MGAT5: variants seen among roughly 807,000 people sequenced by gnomAD.
The protein encoded by MGAT5 is alpha-1,6-mannosylglycoprotein 6-beta-N-acetylglucosaminyltransferase, also known as alpha-1,6-mannosylglycoprotein 6-beta-N-acetylglucosaminyltransferase A.
A neutral mutation model predicts 94.3 loss-of-function variants in MGAT5; 30 were observed. The ratio of observed to expected loss-of-function variants is 0.32; its 90% CI spans 0.24 to 0.43. MGAT5 has a LOEUF of 0.43. MGAT5 is among the 20% of genes least tolerant of loss of function. MGAT5 has a pLI of 1.00. For missense variants in MGAT5, 691 were observed against 905.5 expected, an observed-to-expected ratio of 0.76 and a Z score of 3.04; for synonymous variants, 310 against 322.9, an observed-to-expected ratio of 0.96 and a Z score of 0.43.
At chr2:134,406,248 G>T (rs16830562) in intron 11 of MGAT5, among the ~76,000 whole-genome samples, 1,741 of 152,274 alleles carry the variant, frequency 0.011, 37 homozygotes, top group African/African-American at 0.039. Context: ...TGAGTGCTTT[G>T]TGAGCTGGAC....
intron 1 of MGAT5, among the ~76,000 whole-genome samples, chr2:134,164,772 G>C (rs1294500470): frequency 2.6e-5 from 4 of 151,638 alleles, no homozygotes; most frequent in African/African-American, 9.7e-5. Context: ...TGAGGCTGTT[G>C]TGTGCTATAA....
intron 1 of MGAT5, among the ~76,000 whole-genome samples, chr2:134,208,608 T>G (rs1227502563): frequency 1.3e-5 from 2 of 152,238 alleles, no homozygotes; most frequent in East Asian, 3.8e-4. Context: ...ATAGTTGTTA[T>G]AATATAAATA....
chr2:134,201,637 C>T (rs1157284327), intron 1 of MGAT5, among the ~76,000 whole-genome samples: 2 of 151,986 alleles, frequency 1.3e-5, no homozygotes, highest in African/African-American at 2.4e-5. Flanking sequence ...ACCTTCGGGG[C>T]GACCTGTGCT....
chr2:134,156,092 C>T (rs757195726), intron 1 of MGAT5, among the ~76,000 whole-genome samples: 3 of 152,194 alleles, frequency 2.0e-5, no homozygotes, highest in Admixed American at 6.5e-5. Flanking sequence ...CAGCACACAA[C>T]GCAGGCCTGG....
intron 1 of MGAT5, among the ~76,000 whole-genome samples, chr2:134,223,948 T>C (rs905115909): frequency 6.6e-6 from 1 of 152,202 alleles, no homozygotes; most frequent in Non-Finnish European, 1.5e-5. Flanking sequence ...AAAATTACAA[T>C]CTGAATTTTG....
intron 1 of MGAT5, among the ~76,000 whole-genome samples, chr2:134,189,591 A>ATTTTTTTTTTTTTTTTTTT (rs1689215447): frequency 7.5e-5 from 2 of 26,578 alleles, no homozygotes; most frequent in African/African-American, 2.4e-4. Context: ...TCATGGCTCT[A>ATTTTTTTTTTTTTTTTTTT]GTTTTTTTTT....
chr2:134,436,983 C>T (rs572166237), intron 14 of MGAT5, among the ~76,000 whole-genome samples: 1 of 152,262 alleles, frequency 6.6e-6, no homozygotes, highest in African/African-American at 2.4e-5. Context: ...TCTGCACTAG[C>T]TTCAGGCTTT....
intron 7 of MGAT5, among the ~76,000 whole-genome samples, chr2:134,342,149 C>T (rs1458866218): frequency 2.0e-5 from 3 of 152,166 alleles, no homozygotes; most frequent in African/African-American, 7.2e-5. Context: ...GGGCAGGTTC[C>T]TGTTTGTAAT....
At chr2:134,353,469 A>G (rs1361240923) in intron 9 of MGAT5, among the ~76,000 whole-genome samples, 1 of 152,226 alleles carries the variant, frequency 6.6e-6, no homozygotes, top group Non-Finnish European at 1.5e-5. Flanking sequence ...CCGGAATGAT[A>G]CACCAACCAA....
chr2:134,428,152 G>A (rs1442789584), intron 13 of MGAT5, among the ~76,000 whole-genome samples: 1 of 152,216 alleles, frequency 6.6e-6, no homozygotes, highest in Non-Finnish European at 1.5e-5. Flanking sequence ...TTTTACATAT[G>A]AGGAACCTGA....
At chr2:134,250,589 G>T (rs1209232890), upstream of MGAT5, among the ~76,000 whole-genome samples, 1 of 152,146 alleles carries the variant, frequency 6.6e-6, no homozygotes, top group Non-Finnish European at 1.5e-5. Context: ...CTTAAGTTCT[G>T]TCATCTTAAT....
At chr2:134,162,399 G>T (rs1012789282) in intron 1 of MGAT5, among the ~76,000 whole-genome samples, 3 of 152,138 alleles carry the variant, frequency 2.0e-5, no homozygotes, top group African/African-American at 7.2e-5. Flanking sequence ...GAGTCCAAAG[G>T]TGTGTCTTTC....
At position 134,189,602 on chromosome 2, in the gene MGAT5, G is replaced by GTTTTTTTTTTTTTGTTT. The variant is rs1553490382; in HGVS notation, c.-142-64647_-142-64646insGTTTTTTTTTTTTTTTT. Among the ~76,000 whole-genome samples, 7 of 84,672 alleles carry GTTTTTTTTTTTTTGTTT rather than the reference G, an allele frequency of 8.3e-5. 1 individual carries two copies. Among genetic ancestry groups the GTTTTTTTTTTTTTGTTT allele is most frequent in the Middle Eastern group, 7.7e-3 (1 of 130 alleles). 55.5% of individuals were successfully genotyped at this position (84,672 alleles called of 152,430 possible). ...AACCTCATGGCTCTAGTTTTTTTTT[G>GTTTTTTTTTTTTTGTTT]TTTTTTTTTTTTTTTTTTAAGACAG... On this transcript the variant is annotated intron_variant, in intron 1 of 16. Coordinates refer to the MGAT5 transcript ENST00000409645.
chr2:134,400,929 A>G (rs1487872753), intron 10 of MGAT5, among the ~76,000 whole-genome samples: 1 of 152,172 alleles, frequency 6.6e-6, no homozygotes, highest in South Asian at 2.1e-4. Context: ...TGTGTTTATT[A>G]TAAGGATCCA....
In MGAT5 at chr2:134,437,946, G is replaced by T. The variant is rs1459061694; in HGVS notation, c.1870-3812G>T. 4.6e-5 allele frequency among the ~76,000 whole-genome samples: 7 copies of T among 151,430 alleles called. No homozygotes were observed. The East Asian group carries it at 1.4e-3, about 30-fold the overall frequency. ...AGGAGAATCACATGAACCTGGCAGA[G>T]GGAGGTTGCAGTGAACCAAGATCAT... On this transcript the variant is annotated intron_variant, in intron 14 of 15. Transcript: ENST00000281923.
rs375349164 is a variant in MGAT5 at position 134,337,453 on chromosome 2, G to A, written c.646-806G>A. 1.8e-4 allele frequency among the ~76,000 whole-genome samples: 28 copies of A among 152,330 alleles called. No homozygotes were observed. In the East Asian group the frequency reaches 5.2e-3, roughly 28 times the overall value. On this transcript the variant is annotated intron_variant, in intron 5 of 15. Transcript: ENST00000281923. ...ATTATGCCACTGCATTCCAGTCTGG[G>A]TGGGAGTGTGAGACCCTATCTCAAA...
At chr2:134,250,320 C>T (rs562458235), upstream of MGAT5, among the ~76,000 whole-genome samples, 5 of 152,184 alleles carry the variant, frequency 3.3e-5, no homozygotes, top group Non-Finnish European at 7.3e-5. Flanking sequence ...CTGTATAGTC[C>T]CACTGTGCCC....
intron 10 of MGAT5, among the ~76,000 whole-genome samples, chr2:134,393,138 A>G (rs889667373): frequency 9.8e-5 from 15 of 152,356 alleles, no homozygotes; most frequent in African/African-American, 3.6e-4. Flanking sequence ...CATTTTACAG[A>G]TAAGAAAACT....
chr2:134,376,039 C>G (rs1194397380), intron 10 of MGAT5, among the ~76,000 whole-genome samples: 1 of 152,150 alleles, frequency 6.6e-6, no homozygotes, highest in African/African-American at 2.4e-5. Context: ...CCCTGTTGAT[C>G]CAGACCAGTT....
Sources: gnomAD v4.1 joint callset for allele counts (sites outside exome capture counted in the v4.1 genomes callset) on GRCh38, gnomAD v4.1.1 for gene constraint, MANE v1.5 for transcripts, NCBI Gene and HGNC (gene_info 2026-07-23, HGNC 2026-07-21) for gene names.